Variants in UIMC1 observed in about 807,000 individuals in gnomAD.
The protein encoded by UIMC1 is BRCA1-A complex subunit RAP80.
Under a neutral mutation model 84.9 loss-of-function variants are expected in UIMC1, and 42 were observed. That is an observed-to-expected ratio of 0.49 (90% CI 0.39 to 0.64). The LOEUF is 0.64. Ranked by LOEUF, UIMC1 falls within the 30% of genes least tolerant of loss-of-function variation. The probability of loss-of-function intolerance (pLI) is 0.00; values close to 1 mark genes in which losing one functional copy is unlikely to be tolerated. For missense variants in UIMC1, 825 were observed against 847.6 expected, an observed-to-expected ratio of 0.97 and a Z score of 0.33; for synonymous variants, 281 against 293.0, an observed-to-expected ratio of 0.96 and a Z score of 0.42.
intron 9 of UIMC1, among the ~76,000 whole-genome samples, chr5:176,944,178 T>C (rs898762532): frequency 1.3e-5 from 2 of 151,926 alleles, no homozygotes; most frequent in African/African-American, 4.9e-5. Context: ...AAGTCTGTAC[T>C]TAGACCCATA....
At chr5:176,914,073 A>ACAC (rs70991586) in intron 10 of UIMC1, among the ~76,000 whole-genome samples, 1 of 151,400 alleles carries the variant, frequency 6.6e-6, no homozygotes, top group Non-Finnish European at 1.5e-5. Context: ...ATACCATACC[A>ACAC]CACCACACCA....
chr5:176,967,649 T>C (rs999358682), intron 6 of UIMC1, among the ~76,000 whole-genome samples: 1 of 152,210 alleles, frequency 6.6e-6, no homozygotes, highest in African/African-American at 2.4e-5. Context: ...ATGCCTACAC[T>C]GCCAACACTT....
intron 1 of UIMC1, among the ~76,000 whole-genome samples, chr5:177,018,109 G>A (rs761255891): frequency 2.0e-5 from 3 of 152,082 alleles, no homozygotes; most frequent in Non-Finnish European, 4.4e-5. Context: ...CCAGCACTTT[G>A]GGAGGCCAAG....
chr5:176,915,793 CAAAA>C (rs58297107), intron 10 of UIMC1, among the ~76,000 whole-genome samples: 1 of 42,656 alleles, frequency 2.3e-5, no homozygotes, highest in Middle Eastern at 0.013. Flanking sequence ...GGTCACAAAG[CAAAA>C]AAAAAAAAAA....
intron 10 of UIMC1, among the ~76,000 whole-genome samples, chr5:176,918,120 G>C (rs1761250597): frequency 6.6e-6 from 1 of 152,154 alleles, no homozygotes; most frequent in Admixed American, 6.5e-5. Flanking sequence ...AGATTAACCA[G>C]GACCAATCCT....
intron 10 of UIMC1, among the ~76,000 whole-genome samples, chr5:176,942,578 T>TAA (rs200596850): frequency 3.4e-5 from 5 of 146,062 alleles, no homozygotes; most frequent in African/African-American, 7.6e-5. Context: ...CCATCTCTAC[T>TAA]AAAAAAAAAA....
intron 6 of UIMC1, 99 bp downstream of exon 6, chr5:176,968,453 TTAA>T: frequency 6.9e-7 from 1 of 1,456,498 alleles, no homozygotes; most frequent in Non-Finnish European, 9.2e-7. Context: ...ATGTATTACT[TTAA>T]TAATCAAGGA....
chr5:176,941,363 A>T (rs1217161141), intron 10 of UIMC1, among the ~76,000 whole-genome samples: 1 of 152,234 alleles, frequency 6.6e-6, no homozygotes, highest in Non-Finnish European at 1.5e-5. Flanking sequence ...AGAGCTATAT[A>T]TAGCATGGTC....
chr5:176,941,159 AAAT>A (rs1260228822), intron 10 of UIMC1, among the ~76,000 whole-genome samples: 8 of 152,248 alleles, frequency 5.3e-5, no homozygotes, highest in Admixed American at 1.3e-4. Flanking sequence ...CCAGGTTACC[AAAT>A]ATTATGTAGG....
At chr5:176,943,592 A>T (rs1391811119) in intron 9 of UIMC1, 104 bp from the exon 10 acceptor site, 2 of 1,375,506 alleles carry the variant, frequency 1.5e-6, no homozygotes, top group African/African-American at 2.9e-5. Flanking sequence ...TTTCAAAGAG[A>T]CAACAACAGC....
intron 6 of UIMC1, among the ~76,000 whole-genome samples, chr5:176,960,188 C>T (rs983148772): frequency 7.2e-5 from 11 of 152,054 alleles, no homozygotes; most frequent in Non-Finnish European, 1.3e-4. Context: ...AATAATTTGC[C>T]CTAAATCATA....
chr5:176,999,302 T>C (rs1350849009), intron 1 of UIMC1, among the ~76,000 whole-genome samples: 4 of 152,208 alleles, frequency 2.6e-5, no homozygotes, highest in Admixed American at 1.3e-4. Context: ...CATAGGTGCA[T>C]ATATTTATGG....
intron 6 of UIMC1, among the ~76,000 whole-genome samples, chr5:176,963,157 T>TAA (rs70991588): frequency 5.0e-4 from 7 of 13,962 alleles, no homozygotes; most frequent in Non-Finnish European, 6.7e-4. Context: ...AAAAATAAAT[T>TAA]AAAAAAAAAA....
At chr5:176,927,745 A>G (rs1171503123) in intron 10 of UIMC1, among the ~76,000 whole-genome samples, 1 of 152,046 alleles carries the variant, frequency 6.6e-6, no homozygotes. Context: ...ACCAGTTCTC[A>G]GCCGGGTGTG....
chr5:177,016,516 G>A (rs367898088), intron 1 of UIMC1, among the ~76,000 whole-genome samples: 1 of 147,724 alleles, frequency 6.8e-6, no homozygotes, highest in African/African-American at 2.5e-5. Flanking sequence ...ATGGTGAAAC[G>A]CCCCTCTACT....
At chr5:176,950,097 TTTC>T (rs1765661885) in intron 9 of UIMC1, among the ~76,000 whole-genome samples, 1 of 140,542 alleles carries the variant, frequency 7.1e-6, no homozygotes, top group African/African-American at 3.0e-5. Flanking sequence ...AAAAGGAACC[TTTC>T]TTTTTTTTTT....
intron 10 of UIMC1, among the ~76,000 whole-genome samples, chr5:176,924,541 CCACT>C (rs889955381): frequency 2.0e-5 from 3 of 151,468 alleles, no homozygotes; most frequent in Admixed American, 1.3e-4. Flanking sequence ...CCAAAGCAAC[CCACT>C]GAGAAAAAGA....
chr5:176,926,714 T>C (rs1762426833), intron 10 of UIMC1, among the ~76,000 whole-genome samples: 2 of 152,138 alleles, frequency 1.3e-5, no homozygotes, highest in African/African-American at 4.8e-5. Context: ...TTTATGCAAC[T>C]AACTCTCAAA....
At chr5:176,913,748 G>C (rs568756487) in intron 10 of UIMC1, among the ~76,000 whole-genome samples, 1 of 152,208 alleles carries the variant, frequency 6.6e-6, no homozygotes, top group East Asian at 1.9e-4. Flanking sequence ...AGGCTGAGGC[G>C]GGCAGATCAC....
Sources: allele counts gnomAD v4.1 joint callset (sites outside exome capture counted in the v4.1 genomes callset), GRCh38; gene constraint gnomAD v4.1.1; transcripts MANE v1.5; gene names NCBI Gene and HGNC (gene_info 2026-07-23, HGNC 2026-07-21).